PLA2G4A: variants seen among roughly 807,000 people sequenced by gnomAD.
The protein encoded by PLA2G4A is cytosolic phospholipase A2.
PLA2G4A carries 40 observed loss-of-function variants against 81.9 expected under a neutral mutation model. That is an observed-to-expected ratio of 0.49 (90% CI 0.38 to 0.64). PLA2G4A has a LOEUF of 0.64. Among genes scored for constraint, PLA2G4A ranks in the 30% least tolerant of loss-of-function variants. The pLI is 0.00. For synonymous variants in PLA2G4A, 302 were observed against 296.9 expected, an observed-to-expected ratio of 1.02 and a Z score of -0.18; for missense variants, 715 against 905.1, an observed-to-expected ratio of 0.79 and a Z score of 2.69.
intron 17 of PLA2G4A, 102 bp downstream of exon 17, chr1:186,979,574 A>G: frequency 1.2e-6 from 1 of 818,938 alleles, no homozygotes; most frequent in Non-Finnish European, 2.1e-6. Context: ...AAGTGTTATG[A>G]ATGACACCAC....
chr1:186,895,562 C>G (rs1046282850), intron 5 of PLA2G4A, among the ~76,000 whole-genome samples: 2 of 152,190 alleles, frequency 1.3e-5, no homozygotes, highest in Admixed American at 6.5e-5. Context: ...CCTCAATTAT[C>G]TCCCTCTGGG....
chr1:186,908,792 G>A (rs1654829089), intron 6 of PLA2G4A, among the ~76,000 whole-genome samples: 1 of 151,306 alleles, frequency 6.6e-6, no homozygotes, highest in Middle Eastern at 3.2e-3. Context: ...CTAAAAACCT[G>A]CAAAATGAAA....
intron 6 of PLA2G4A, among the ~76,000 whole-genome samples, chr1:186,909,387 G>T (rs1037367420): frequency 2.0e-5 from 3 of 151,106 alleles, no homozygotes; most frequent in African/African-American, 7.3e-5. Flanking sequence ...TTGGCTGGGC[G>T]TGGTGGCTCA....
Position 186,870,421 on chromosome 1 carries a change from C to T in PLA2G4A, c.34-14C>T, listed in dbSNP as rs759701784. The T allele has an allele frequency of 6.7e-7, 1 of 1,494,984 alleles. No individual in the cohort carries two copies. The highest frequency in any genetic ancestry group is 9.3e-7 in the Non-Finnish European group (1 of 1,071,544). 92.6% of individuals were successfully genotyped at this position (1,494,984 alleles called of 1,614,324 possible). A position where few individuals can be genotyped will look rare whatever the true frequency, so the allele number is the denominator to read the frequency against. ...TGGAAGCTTATTTTAAATTTACTGT[C>T]ATTTTATTTCCAGGTGGAGCACCAG... On this transcript the variant is annotated splice_polypyrimidine_tract_variant and intron_variant, in intron 2 of 17. Coordinates refer to ENST00000367466, the MANE Select transcript of PLA2G4A (RefSeq NM_024420.3).
chr1:186,938,297 A>T (rs577604272), intron 8 of PLA2G4A, among the ~76,000 whole-genome samples: 2 of 152,212 alleles, frequency 1.3e-5, no homozygotes, highest in East Asian at 1.9e-4. Flanking sequence ...ACCATAACTA[A>T]ATTTTTATTA....
At chr1:186,934,459 T>C (rs866519082) in intron 8 of PLA2G4A, among the ~76,000 whole-genome samples, 4,911 of 126,908 alleles carry the variant, frequency 0.039, 390 homozygotes, top group African/African-American at 0.16. Flanking sequence ...TATATATATA[T>C]ATATACATAC....
At chr1:186,926,699 G>A (rs1655561483) in intron 7 of PLA2G4A, among the ~76,000 whole-genome samples, 1 of 152,178 alleles carries the variant, frequency 6.6e-6, no homozygotes, top group African/African-American at 2.4e-5. Context: ...ATTAAATGTT[G>A]AATGAATTTG....
At chr1:186,890,885 T>C (rs1002810766) in intron 3 of PLA2G4A, among the ~76,000 whole-genome samples, 4 of 151,562 alleles carry the variant, frequency 2.6e-5, no homozygotes, top group African/African-American at 4.8e-5. Flanking sequence ...AAAAAATTGT[T>C]GCTTCATAGA....
intron 17 of PLA2G4A, among the ~76,000 whole-genome samples, chr1:186,983,690 T>C (rs990779199): frequency 4.6e-5 from 7 of 151,986 alleles, no homozygotes; most frequent in Non-Finnish European, 8.8e-5. Context: ...TACAGTAGTA[T>C]TTCAATTTTT....
At chr1:186,864,912 G>C (rs1246553509) in intron 2 of PLA2G4A, among the ~76,000 whole-genome samples, 1 of 150,732 alleles carries the variant, frequency 6.6e-6, no homozygotes, top group African/African-American at 2.4e-5. Context: ...GGCAAGCAAG[G>C]CAAAATCCCA....
chr1:186,988,484 G>C lies in PLA2G4A; in HGVS notation c.2226G>C (p.Glu742Asp). Residue 742 changes from glutamate (E) to aspartate (D), a missense_variant, in exon 18 of 18, where the codon GAG becomes GAC. Transcript: ENST00000367466. The part of the protein sequence containing the change: ...NVEARRFFNK[E>D]FLSKPKA ...AGGCAAGAAGATTTTTCAACAAGGAGTTTCTAAGTAAACCCAAAGCATAGT... is the reference window on the plus strand; with the variant it reads ...AGGCAAGAAGATTTTTCAACAAGGACTTTCTAAGTAAACCCAAAGCATAGT... The C allele has an allele frequency of 1.2e-6, 2 of 1,612,488 alleles. No homozygotes were observed. The highest frequency in any genetic ancestry group is 1.7e-6 in the Non-Finnish European group (2 of 1,178,938).
At chr1:186,986,445 G>A (rs2102309186) in intron 17 of PLA2G4A, among the ~76,000 whole-genome samples, 1 of 152,300 alleles carries the variant, frequency 6.6e-6, no homozygotes, top group East Asian at 1.9e-4. Flanking sequence ...TAAATTTGCT[G>A]ATATAGATCT....
chr1:186,966,741 T>A (rs1021282087), intron 15 of PLA2G4A, among the ~76,000 whole-genome samples: 1 of 152,192 alleles, frequency 6.6e-6, no homozygotes. Flanking sequence ...AAGTGTTATC[T>A]TTCTTGACTT....
intron 17 of PLA2G4A, among the ~76,000 whole-genome samples, chr1:186,984,900 T>A (rs1657844725): frequency 6.6e-6 from 1 of 152,160 alleles, no homozygotes; most frequent in African/African-American, 2.4e-5. Flanking sequence ...AAGACTAGCC[T>A]ATGAGGTGGG....
At chr1:186,842,763 T>A (rs1652034674) in intron 1 of PLA2G4A, among the ~76,000 whole-genome samples, 2 of 152,320 alleles carry the variant, frequency 1.3e-5, no homozygotes, top group Non-Finnish European at 2.9e-5. Context: ...CAAACTTTGA[T>A]CTTGGACTTC....
At chr1:186,882,610 G>A (rs149936118) in intron 3 of PLA2G4A, among the ~76,000 whole-genome samples, 2,168 of 152,168 alleles carry the variant, frequency 0.014, 28 homozygotes, top group Non-Finnish European at 0.019. Context: ...TGGGTTTGAT[G>A]GGGGGTTGGG....
intron 10 of PLA2G4A, among the ~76,000 whole-genome samples, chr1:186,946,414 G>T (rs552592546): frequency 6.6e-6 from 1 of 150,920 alleles, no homozygotes; most frequent in East Asian, 2.0e-4. Context: ...AAATTAGAAG[G>T]GATCTTTTTG....
chr1:186,932,634 A>G, intron 7 of PLA2G4A, 129 bp from the exon 8 acceptor site: 3 of 952,580 alleles, frequency 3.1e-6, no homozygotes, highest in Non-Finnish European at 5.2e-6. Flanking sequence ...AGGCATTACT[A>G]AAGTATGAAG....
intron 7 of PLA2G4A, among the ~76,000 whole-genome samples, chr1:186,914,824 C>G (rs1655083284): frequency 2.0e-5 from 3 of 152,068 alleles, no homozygotes; most frequent in Admixed American, 2.0e-4. Context: ...GAGGGGTGGT[C>G]TCCTCCCTTA....
Sources: gnomAD v4.1 joint callset for allele counts (sites outside exome capture counted in the v4.1 genomes callset) on GRCh38, gnomAD v4.1.1 for gene constraint, MANE v1.5 for transcripts, NCBI Gene and HGNC (gene_info 2026-07-23, HGNC 2026-07-21) for gene names.